CUBN: variants seen among roughly 807,000 people sequenced by gnomAD.
CUBN encodes the protein cubilin, also known as 460 kDa receptor.
CUBN carries 282 observed loss-of-function variants against 405.3 expected under a neutral mutation model. The observed-to-expected ratio is 0.70, with a 90% confidence interval of 0.63 to 0.77. The LOEUF is 0.77. Among genes scored for constraint, CUBN ranks in the 30% least tolerant of loss-of-function variants. CUBN has a pLI of 0.00. For synonymous variants in CUBN, 1,684 were observed against 1,617.0 expected, an observed-to-expected ratio of 1.04 and a Z score of -0.99; for missense variants, 4,514 against 4,475.2, an observed-to-expected ratio of 1.01 and a Z score of -0.25.
At chr10:16,870,169 C>A (rs1840308864) in intron 58 of CUBN, among the ~76,000 whole-genome samples, 1 of 152,164 alleles carries the variant, frequency 6.6e-6, no homozygotes, top group Non-Finnish European at 1.5e-5. Flanking sequence ...CAACTTTTGA[C>A]AAGTTGAACT....
At chr10:16,890,975 G>A (rs146658696) in intron 54 of CUBN, among the ~76,000 whole-genome samples, 102 of 152,212 alleles carry the variant, frequency 6.7e-4, no homozygotes, top group African/African-American at 2.4e-3. Context: ...GAAGAAAGTG[G>A]GCATGAATTC....
At chr10:16,868,012 T>C (rs1840236987) in intron 59 of CUBN, among the ~76,000 whole-genome samples, 1 of 152,216 alleles carries the variant, frequency 6.6e-6, no homozygotes, top group African/African-American at 2.4e-5. Flanking sequence ...GTCTAAAGTC[T>C]GTGCTAAAGG....
intron 28 of CUBN, among the ~76,000 whole-genome samples, chr10:17,005,716 C>T (rs965907664): frequency 6.6e-6 from 1 of 152,134 alleles, no homozygotes; most frequent in Admixed American, 6.5e-5. Context: ...ACTTGGTTTA[C>T]CTGCCTTGCC....
Position 17,115,461 on chromosome 10 carries a change from AG to A in CUBN, c.720+9del. Reference sequence around the variant, plus strand: ...CTCTGCAAGGAGGCACATTTGGGGAAGGGACCCACCTCTCCAGCTTGCTCTC... The same window carrying A: ...CTCTGCAAGGAGGCACATTTGGGGAAGGACCCACCTCTCCAGCTTGCTCTC... On this transcript the variant is annotated intron_variant, in intron 7 of 66. Transcript: ENST00000377833. 1 of 1,613,618 alleles carries A rather than the reference AG, an allele frequency of 6.2e-7. No individual in the cohort carries two copies. Among genetic ancestry groups the A allele is most frequent in the South Asian group, 1.1e-5 (1 of 91,040 alleles).
chr10:16,935,740 T>C (rs1343817578), intron 39 of CUBN, among the ~76,000 whole-genome samples: 1 of 151,322 alleles, frequency 6.6e-6, no homozygotes, highest in African/African-American at 2.4e-5. Flanking sequence ...ATCAGCCAGG[T>C]GTGGTGGTGG....
chr10:16,866,241 C>G (rs866273327), intron 59 of CUBN, among the ~76,000 whole-genome samples: 18 of 152,116 alleles, frequency 1.2e-4, no homozygotes, highest in African/African-American at 4.1e-4. Context: ...ACTGAAAGCC[C>G]CTGATCTAAC....
chr10:16,911,970 G>A (rs1841747811), intron 48 of CUBN, among the ~76,000 whole-genome samples: 1 of 152,092 alleles, frequency 6.6e-6, no homozygotes, highest in African/African-American at 2.4e-5. Context: ...TCAAAATGTG[G>A]TATAGTGGGA....
intron 59 of CUBN, among the ~76,000 whole-genome samples, chr10:16,853,000 G>T (rs1038543129): frequency 1.6e-4 from 25 of 152,180 alleles, no homozygotes; most frequent in African/African-American, 5.3e-4. Context: ...CCTTCTTTCA[G>T]ATAAAAATTT....
chr10:17,023,013 A>C (rs1834539080), intron 27 of CUBN, among the ~76,000 whole-genome samples: 1 of 152,350 alleles, frequency 6.6e-6, no homozygotes, highest in Admixed American at 6.5e-5. Context: ...TCAATCCTGC[A>C]CAAGGTCATG....
At chr10:17,012,020 G>C (rs1834200059) in intron 28 of CUBN, among the ~76,000 whole-genome samples, 1 of 152,184 alleles carries the variant, frequency 6.6e-6, no homozygotes, top group Non-Finnish European at 1.5e-5. Flanking sequence ...GGGCAAAGAA[G>C]GGGCCCTGAA....
chr10:16,874,393 C>T lies in CUBN; in HGVS notation c.9217G>A (p.Asp3073Asn), dbSNP rs776063997. 17 of 1,614,082 alleles carry T rather than the reference C, an allele frequency of 1.1e-5. No individual in the cohort carries two copies. Among genetic ancestry groups the T allele is most frequent in the South Asian group, 2.2e-5 (2 of 91,082 alleles). The change falls in exon 58 of 67, where the codon GAC becomes AAC. Residue 3073 changes from aspartate to asparagine, a missense_variant. Physicochemically the swap from Asp to Asn is conservative, Grantham distance 23. Transcript: ENST00000377833. Reference protein sequence around the residue: ...HCLYTITVSDDKVIELKFSDF... With the variant: ...HCLYTITVSDNKVIELKFSDF... ...ACGTACTTGAGCTCGATCACCTTGT[C>T]GTCACTAACGGTGATGGTATACAGA...
rs186779867 is a variant in CUBN, at chr10:17,002,610, G to A, written c.4169-12095C>T. Among the ~76,000 whole-genome samples, 353 of 152,330 alleles carry A rather than the reference G, an allele frequency of 2.3e-3. 3 individuals are homozygous for A. The highest frequency in any genetic ancestry group is 8.0e-3 in the African/African-American group (331 of 41,572). On this transcript the variant is annotated intron_variant, in intron 28 of 66. Coordinates refer to ENST00000377833, the MANE Select transcript of CUBN (RefSeq NM_001081.4). The stretch of plus-strand genomic sequence containing the variant: ...AGCCAACATGAGATGAAGGTCAACT[G>A]TGTGGATGTGTATTTACTGCTGTCG...
rs911119364 is a variant in CUBN, at chr10:17,037,906, C to T, written c.4017+3127G>A. 5.3e-5 allele frequency among the ~76,000 whole-genome samples: 8 copies of T among 151,504 alleles called. No homozygotes were observed. In the East Asian group the frequency reaches 1.2e-3, roughly 22 times the overall value. The stretch of plus-strand genomic sequence containing the variant: ...GACCCTTCTGAACCACAACCTCTCT[C>T]GACTGCTCTTCCCTTGGCTCCCATG... On this transcript the variant is annotated intron_variant, in intron 27 of 66. Coordinates refer to ENST00000377833, the MANE Select transcript of CUBN (RefSeq NM_001081.4).
At chr10:16,987,507 C>T (rs909219555) in intron 29 of CUBN, among the ~76,000 whole-genome samples, 1 of 152,172 alleles carries the variant, frequency 6.6e-6, no homozygotes, top group African/African-American at 2.4e-5. Context: ...AGTAACCAAA[C>T]AGCTGCTGCT....
chr10:17,024,702 C>T (rs772403217), intron 27 of CUBN, among the ~76,000 whole-genome samples: 14 of 151,942 alleles, frequency 9.2e-5, no homozygotes, highest in South Asian at 2.1e-4. Context: ...GACAGAGTTT[C>T]GCCATGTTGC....
At chr10:16,882,278 T>A (rs1260409192) in intron 56 of CUBN, among the ~76,000 whole-genome samples, 2 of 152,252 alleles carry the variant, frequency 1.3e-5, no homozygotes, top group African/African-American at 4.8e-5. Context: ...TTCTTAACTC[T>A]GTCTTCAACA....
At chr10:17,111,557 A>G (rs921628580) in intron 8 of CUBN, among the ~76,000 whole-genome samples, 7 of 152,200 alleles carry the variant, frequency 4.6e-5, no homozygotes, top group Non-Finnish European at 8.8e-5. Flanking sequence ...GCTTTTTAAT[A>G]TCATGTGTAC....
chr10:17,055,157 C>T (rs554849675), intron 22 of CUBN, among the ~76,000 whole-genome samples: 17 of 152,070 alleles, frequency 1.1e-4, no homozygotes, highest in Non-Finnish European at 2.1e-4. Flanking sequence ...TAATTTACCA[C>T]CTAAACAGAA....
intron 22 of CUBN, among the ~76,000 whole-genome samples, chr10:17,051,700 A>G (rs752335033): frequency 8.5e-5 from 13 of 152,184 alleles, no homozygotes; most frequent in Non-Finnish European, 1.5e-4. Flanking sequence ...GGCAGAAGAA[A>G]AAAAGGTCAG....
Sources: gnomAD v4.1 joint callset for allele counts (sites outside exome capture counted in the v4.1 genomes callset) on GRCh38, gnomAD v4.1.1 for gene constraint, MANE v1.5 for transcripts, NCBI Gene and HGNC (gene_info 2026-07-23, HGNC 2026-07-21) for gene names.